The following INTS9 variants were observed in gnomAD, a reference collection of about 807,000 sequenced individuals.
INTS9 encodes protein related to CPSF subunits of 74 kDa.
Under a neutral mutation model 79.7 loss-of-function variants are expected in INTS9, and 55 were observed. The observed-to-expected ratio is 0.69, with a 90% CI of 0.56 to 0.86. The LOEUF (loss-of-function observed/expected upper bound fraction) is 0.86, where lower values mean the gene tolerates loss of function less well. INTS9 is among the 40% of genes least tolerant of loss of function. The pLI, the probability that INTS9 is intolerant of heterozygous loss-of-function variation, is 0.00. For missense variants in INTS9, 721 were observed against 831.5 expected (o/e 0.87, Z 1.64); for synonymous variants, 319 against 325.2 (o/e 0.98, Z 0.20).
intron 8 of INTS9, among the ~76,000 whole-genome samples, chr8:28,800,687 A>G (rs1804466610): frequency 6.6e-6 from 1 of 152,166 alleles, no homozygotes; most frequent in Non-Finnish European, 1.5e-5. Context: ...ACCCTGGAGA[A>G]AAGTTCTGCA....
intron 14 of INTS9, among the ~76,000 whole-genome samples, chr8:28,772,260 C>G (rs936806461): frequency 2.0e-5 from 3 of 152,226 alleles, no homozygotes; most frequent in Non-Finnish European, 2.9e-5. Flanking sequence ...TGCGGTGGCT[C>G]ACGCCTGTAA....
intron 1 of INTS9, 163 bp downstream of exon 1, chr8:28,889,711 A>T: frequency 1.4e-6 from 1 of 690,334 alleles, no homozygotes; most frequent in Non-Finnish European, 2.4e-6. Flanking sequence ...GGGAATTCAA[A>T]CCTTCTCAAC....
chr8:28,874,289 G>GTTTTTTTTTTTTTTTTTTT (rs780879321), intron 1 of INTS9, among the ~76,000 whole-genome samples: 4 of 142,202 alleles, frequency 2.8e-5, no homozygotes, highest in African/African-American at 1.0e-4. Flanking sequence ...TATTTAAACT[G>GTTTTTTTTTTTTTTTTTTT]TTTTTTTTTT....
intron 8 of INTS9, among the ~76,000 whole-genome samples, chr8:28,806,232 AAAAAC>A (rs1245331298): frequency 6.6e-6 from 1 of 152,220 alleles, no homozygotes; most frequent in African/African-American, 2.4e-5. Context: ...CTTGTCTCAA[AAAAAC>A]AAAACAAAAC....
chr8:28,863,639 G>C (rs898772141), intron 1 of INTS9, among the ~76,000 whole-genome samples: 6 of 152,194 alleles, frequency 3.9e-5, no homozygotes, highest in Admixed American at 1.3e-4. Context: ...AGCTGGGCAT[G>C]GTGGCGAGTG....
intron 9 of INTS9, among the ~76,000 whole-genome samples, chr8:28,795,447 T>C (rs1467178192): frequency 6.6e-6 from 1 of 151,748 alleles, no homozygotes; most frequent in African/African-American, 2.4e-5. Flanking sequence ...CGAGACCAGA[T>C]GGGCCAACAT....
chr8:28,874,454 T>C (rs1809266651), intron 1 of INTS9, among the ~76,000 whole-genome samples: 1 of 151,824 alleles, frequency 6.6e-6, no homozygotes, highest in African/African-American at 2.4e-5. Flanking sequence ...CATGCCCGGC[T>C]AATTTTTTGT....
At chr8:28,889,847 C>G in intron 1 of INTS9, 27 bp downstream of exon 1, 1 of 1,613,490 alleles carries the variant, frequency 6.2e-7, no homozygotes, top group Non-Finnish European at 8.5e-7. Flanking sequence ...ATCACCTTTG[C>G]CCTCTGACCT....
Position 28,787,909 on chromosome 8 carries a change from C to A in INTS9, c.1038-20G>T. The A allele has an allele frequency of 6.4e-7, 1 of 1,574,560 alleles. No homozygotes were observed. The highest frequency in any genetic ancestry group is 8.7e-7 in the Non-Finnish European group (1 of 1,148,184). On this transcript the variant is annotated intron_variant, in intron 10 of 16. Coordinates refer to ENST00000521022, the MANE Select transcript of INTS9 (RefSeq NM_018250.4). ...CAAAGCCTATTAAAGAGGAAAAACACATCAGCATGTGAGGAAGAGCATACG... is the reference window on the plus strand; with the variant it reads ...CAAAGCCTATTAAAGAGGAAAAACAAATCAGCATGTGAGGAAGAGCATACG...
rs75345058 is a variant in INTS9, at chr8:28,803,679, T to C, written c.745-7024A>G. Among the ~76,000 whole-genome samples, 879 of 152,314 alleles carry C rather than the reference T, an allele frequency of 5.8e-3. 12 individuals carry two copies. The highest frequency in any genetic ancestry group is 6.8e-3 in the South Asian group (33 of 4,826). Reference sequence around the variant, plus strand: ...ATGATGACCTAAGTAAAGTTCACTATACAGTTCATCAGAAAGAGTAGAAAA... The same window carrying C: ...ATGATGACCTAAGTAAAGTTCACTACACAGTTCATCAGAAAGAGTAGAAAA... On this transcript the variant is annotated intron_variant, in intron 8 of 16. Coordinates refer to ENST00000521022, the MANE Select transcript of INTS9 (RefSeq NM_018250.4).
At chr8:28,778,286 A>G (rs1272083968) in intron 12 of INTS9, among the ~76,000 whole-genome samples, 1 of 152,276 alleles carries the variant, frequency 6.6e-6, no homozygotes, top group Non-Finnish European at 1.5e-5. Flanking sequence ...CAACCATTAC[A>G]GTTCATCACT....
intron 1 of INTS9, among the ~76,000 whole-genome samples, chr8:28,887,305 C>T (rs377261151): frequency 2.6e-5 from 4 of 152,126 alleles, no homozygotes; most frequent in South Asian, 2.1e-4. Context: ...AAACAACTTC[C>T]GGATGCAGAG....
At chr8:28,834,683 T>G (rs1033856550) in intron 6 of INTS9, among the ~76,000 whole-genome samples, 2 of 151,842 alleles carry the variant, frequency 1.3e-5, no homozygotes, top group African/African-American at 2.4e-5. Flanking sequence ...TCTGTTTTTT[T>G]TTTTTTTTTT....
At chr8:28,807,476 C>T (rs1339011283) in intron 8 of INTS9, among the ~76,000 whole-genome samples, 1 of 152,074 alleles carries the variant, frequency 6.6e-6, no homozygotes, top group Non-Finnish European at 1.5e-5. Flanking sequence ...AGATTATAAA[C>T]TTCAATAAAA....
intron 1 of INTS9, among the ~76,000 whole-genome samples, chr8:28,880,865 G>A (rs560334055): frequency 0.081 from 11,842 of 146,200 alleles, 180 homozygotes; most frequent in Middle Eastern, 0.16. Context: ...GTCTCTGCCC[G>A]GCCGCCCATC....
rs762934236 is a variant in INTS9 at position 28,781,001 on chromosome 8, AAT to A, written c.1099-9_1099-8del. On this transcript the variant is annotated splice_region_variant and splice_polypyrimidine_tract_variant and intron_variant, in intron 11 of 16. Coordinates refer to ENST00000521022, the MANE Select transcript of INTS9 (RefSeq NM_018250.4). ...GCTTATTGGTCTGAATGAGCTGGAAAATATAGAAAAAATACAAAGAAATGTGA... is the reference window on the plus strand; with the variant it reads ...GCTTATTGGTCTGAATGAGCTGGAAAATAGAAAAAATACAAAGAAATGTGA... 1.2e-6 allele frequency: 2 copies of A among 1,609,776 alleles called. No homozygotes were observed. The highest frequency in any genetic ancestry group is 2.7e-5 in the African/African-American group (2 of 74,928).
chr8:28,768,307 T>C lies in INTS9; in HGVS notation c.1816A>G (p.Ile606Val), dbSNP rs1376621304. 33 of 1,613,624 alleles carry C rather than the reference T, an allele frequency of 2.0e-5. No individual in the cohort carries two copies. The highest frequency in any genetic ancestry group is 2.6e-5 in the Non-Finnish European group (31 of 1,180,022). ...CCCTTGGCTGTGTCCTCCACCTTAATATCACTGAAGCCATGCTGCTCCAGA... is the reference window on the plus strand; with the variant it reads ...CCCTTGGCTGTGTCCTCCACCTTAACATCACTGAAGCCATGCTGCTCCAGA... Reference protein sequence around the residue: ...QTLEKHGFSDIKVEDTAKGHI... With the variant: ...QTLEKHGFSDVKVEDTAKGHI... Residue 606 changes from isoleucine to valine, a missense_variant, in exon 17 of 17, where the codon ATT (isoleucine) becomes GTT (valine). This residue lies in a region of INTS9 where 281 missense variants were observed against 300.8 expected (regional missense o/e 0.93). Transcript: ENST00000521022.
Position 28,882,695 on chromosome 8 carries a change from C to A in INTS9, c.9+7179G>T, listed in dbSNP as rs569601788. Among the ~76,000 whole-genome samples the A allele has an allele frequency of 3.3e-5, 5 of 152,014 alleles. No individual in the cohort carries two copies. The East Asian group carries it at 9.7e-4, about 29-fold the overall frequency. On this transcript the variant is annotated intron_variant, in intron 1 of 16. Coordinates refer to ENST00000521022, the MANE Select transcript of INTS9 (RefSeq NM_018250.4). ...ACATCAGTGATGAGAAATAAACTAC[C>A]CTAAAGCCAAAAAAGGTGTTAGTTT... is the stretch of plus-strand genomic sequence containing the variant.
At chr8:28,834,811 T>G (rs909837357) in intron 6 of INTS9, among the ~76,000 whole-genome samples, 2 of 151,996 alleles carry the variant, frequency 1.3e-5, no homozygotes, top group East Asian at 3.9e-4. Context: ...CGAGTAGCTG[T>G]GATTACAGGC....
Sources: gnomAD v4.1 joint callset for allele counts (sites outside exome capture counted in the v4.1 genomes callset) on GRCh38, gnomAD v4.1.1 for gene constraint, gnomAD v4.1.1 regional missense constraint, MANE v1.5 for transcripts, NCBI Gene and HGNC (gene_info 2026-07-23, HGNC 2026-07-21) for gene names.